Variants in DMD observed in about 807,000 individuals in gnomAD.
DMD encodes the protein dystrophin, also known as mutant dystrophin.
Under a neutral mutation model 330.1 loss-of-function variants are expected in DMD, and 63 were observed. That is an observed-to-expected ratio of 0.19 (90% CI 0.16 to 0.24). The LOEUF is 0.24. DMD is among the 10% of genes least tolerant of loss of function. The pLI is 1.00. For missense variants in DMD, 3,344 were observed against 2,684.1 expected, an observed-to-expected ratio of 1.25 and a Z score of -5.43; for synonymous variants, 1,223 against 959.8, an observed-to-expected ratio of 1.27 and a Z score of -5.07.
intron 44 of DMD, among the ~76,000 whole-genome samples, chrX:32,143,447 C>T (rs2096762960): frequency 9.0e-6 from 1 of 111,650 alleles, no homozygotes; most frequent in Non-Finnish European, 1.9e-5. Context: ...AGTAATTGAC[C>T]CCTCACATTA....
chrX:32,859,437 C>T (rs2081883390), intron 2 of DMD, among the ~76,000 whole-genome samples: 1 of 102,570 alleles, frequency 9.7e-6, no homozygotes. Flanking sequence ...CACTGCACTC[C>T]GGCCTTTGTG....
At chrX:33,330,720 A>G (rs2054160396) in intron 1 of DMD, among the ~76,000 whole-genome samples, 1 of 112,213 alleles carries the variant, frequency 8.9e-6, no homozygotes, top group South Asian at 3.7e-4. Flanking sequence ...AGTGAAGATG[A>G]GCAACAGGTG....
intron 55 of DMD, among the ~76,000 whole-genome samples, chrX:31,612,057 T>A (rs979072058): frequency 1.8e-5 from 2 of 110,782 alleles, no homozygotes; most frequent in Non-Finnish European, 3.8e-5. Flanking sequence ...CGTTGAACCA[T>A]CACCACTATC....
At chrX:31,167,488 T>C (rs2039542279) in intron 74 of DMD, among the ~76,000 whole-genome samples, 1 of 111,741 alleles carries the variant, frequency 8.9e-6, no homozygotes, top group African/African-American at 3.3e-5. Flanking sequence ...TCAAAAGATA[T>C]ATTACACGAT....
chrX:32,875,785 C>T (rs913299023), intron 2 of DMD, among the ~76,000 whole-genome samples: 2 of 111,900 alleles, frequency 1.8e-5, no homozygotes, highest in African/African-American at 6.5e-5. Context: ...CTTCTGTGAC[C>T]AGACACTTTA....
At chrX:32,479,137 G>C (rs949781311) in intron 21 of DMD, among the ~76,000 whole-genome samples, 1 of 110,803 alleles carries the variant, frequency 9.0e-6, no homozygotes, top group East Asian at 2.8e-4. Context: ...AAAATATCAT[G>C]TTAAACTATT....
chrX:32,495,925 G>C (rs1210995752), intron 19 of DMD, among the ~76,000 whole-genome samples: 1 of 111,615 alleles, frequency 9.0e-6, no homozygotes, highest in Admixed American at 9.5e-5. Context: ...CCATTTTGTT[G>C]TAGCACATTA....
At chrX:31,178,553 TAAA>T (rs1422435511) in intron 70 of DMD, 113 bp downstream of exon 70, 38 of 1,038,031 alleles carry the variant, frequency 3.7e-5, no homozygotes, top group Non-Finnish European at 4.6e-5. Flanking sequence ...CTAATGTAAA[TAAA>T]AAGAAAGAAA....
At chrX:31,785,168 G>A (rs2091231132) in intron 50 of DMD, among the ~76,000 whole-genome samples, 1 of 112,226 alleles carries the variant, frequency 8.9e-6, no homozygotes, top group Admixed American at 9.4e-5. Context: ...ATTATGCTAA[G>A]TGAAATAAGC....
At chrX:31,951,161 A>ATATATATATATATG (rs2095171029) in intron 45 of DMD, among the ~76,000 whole-genome samples, 1 of 86,951 alleles carries the variant, frequency 1.2e-5, no homozygotes, top group African/African-American at 4.8e-5. Flanking sequence ...ATATATATGT[A>ATATATATATATATG]TATATATATA....
chrX:32,509,053 A>T (rs192938766), intron 18 of DMD, among the ~76,000 whole-genome samples: 1,611 of 108,288 alleles, frequency 0.015, 36 homozygotes, highest in African/African-American at 0.051. Context: ...TTCATGATCC[A>T]CCCGCCTCGA....
intron 7 of DMD, among the ~76,000 whole-genome samples, chrX:32,749,863 C>G (rs889711160): frequency 8.9e-6 from 1 of 112,252 alleles, no homozygotes; most frequent in Non-Finnish European, 1.9e-5. Context: ...GTGGCTAACA[C>G]CACACATAGC....
rs1241313491 is a variant in DMD, at chrX:32,809,523, A to G, written c.619T>C (p.Leu207=). The G allele has an allele frequency of 8.3e-7, 1 of 1,211,276 alleles. No homozygotes were observed. The change falls in exon 7 of 79, where the codon TTA becomes CTA. Residue 207 remains leucine (L), a synonymous_variant. Transcript: ENST00000357033. The part of the protein sequence containing the change: ...EHAFNIARYQ[L]GIEKLLDPED... ...GGATCGAGTAGTTTCTCTATGCCTAATTGATATCTGGCGATGTTGAATGCA... is the reference window on the plus strand; with the variant it reads ...GGATCGAGTAGTTTCTCTATGCCTAGTTGATATCTGGCGATGTTGAATGCA...
At chrX:32,480,685 C>T (rs1004055830) in intron 21 of DMD, among the ~76,000 whole-genome samples, 5 of 109,327 alleles carry the variant, frequency 4.6e-5, no homozygotes, top group Non-Finnish European at 9.5e-5. Flanking sequence ...GTACACACAG[C>T]GTGTGTATAT....
chrX:32,961,461 T>G (rs1025351340), intron 2 of DMD, among the ~76,000 whole-genome samples: 1 of 111,104 alleles, frequency 9.0e-6, no homozygotes, highest in Non-Finnish European at 1.9e-5. Context: ...GGCAGAGCCT[T>G]TAGAAGAATG....
intron 51 of DMD, among the ~76,000 whole-genome samples, chrX:31,771,622 C>T (rs1353999578): frequency 1.8e-5 from 2 of 109,887 alleles, no homozygotes; most frequent in Non-Finnish European, 3.8e-5. Flanking sequence ...CTGCCTCAGC[C>T]TCCCTAGTAG....
chrX:32,671,663 G>C (rs192693605), intron 9 of DMD, among the ~76,000 whole-genome samples: 136 of 111,777 alleles, frequency 1.2e-3, no homozygotes, highest in African/African-American at 4.2e-3. Flanking sequence ...GACCTGGGAG[G>C]CTCCCCTATT....
At chrX:31,145,386 C>T (rs149710589) in intron 76 of DMD, among the ~76,000 whole-genome samples, 28 of 111,757 alleles carry the variant, frequency 2.5e-4, no homozygotes, top group Admixed American at 1.4e-3. Flanking sequence ...GGCACTGGAT[C>T]GAAGCACCTG....
chrX:31,641,229 T>C (rs192627500), intron 54 of DMD, among the ~76,000 whole-genome samples: 1 of 111,029 alleles, frequency 9.0e-6, no homozygotes, highest in African/African-American at 3.3e-5. Context: ...GGATCGGCCA[T>C]GGTGGCTCAC....
Sources: gnomAD v4.1 joint callset for allele counts (sites outside exome capture counted in the v4.1 genomes callset) on GRCh38, gnomAD v4.1.1 for gene constraint, MANE v1.5 for transcripts, NCBI Gene and HGNC (gene_info 2026-07-23, HGNC 2026-07-21) for gene names.